The following GRID2 variants were observed in gnomAD, a reference collection of about 807,000 sequenced individuals.
The protein encoded by GRID2 is glutamate ionotropic receptor delta type subunit 2, also known as glutamate receptor ionotropic, delta-2.
A neutral mutation model predicts 114.8 loss-of-function variants in GRID2; 33 were observed. The observed-to-expected ratio is 0.29, with a 90% CI of 0.22 to 0.38. GRID2 has a LOEUF of 0.38. GRID2 is among the 10% of genes least tolerant of loss of function. GRID2 has a pLI of 1.00. For synonymous variants in GRID2, 505 were observed against 449.9 expected, an observed-to-expected ratio of 1.12 and a Z score of -1.55; for missense variants, 1,184 against 1,257.7, an observed-to-expected ratio of 0.94 and a Z score of 0.89.
At chr4:92,933,168 T>G (rs977274369) in intron 2 of GRID2, among the ~76,000 whole-genome samples, 2 of 150,608 alleles carry the variant, frequency 1.3e-5, no homozygotes, top group African/African-American at 4.9e-5. Flanking sequence ...TATACACATA[T>G]ATATATGTAA....
At chr4:92,346,096 G>T (rs1727749299) in intron 1 of GRID2, among the ~76,000 whole-genome samples, 1 of 152,112 alleles carries the variant, frequency 6.6e-6, no homozygotes, top group African/African-American at 2.4e-5. Flanking sequence ...TACCTTATCA[G>T]CTCTTACCTA....
intron 13 of GRID2, among the ~76,000 whole-genome samples, chr4:93,584,522 A>G (rs760408071): frequency 1.3e-5 from 2 of 152,006 alleles, no homozygotes; most frequent in African/African-American, 4.8e-5. Flanking sequence ...TCTCTTATTG[A>G]TTGAACTATT....
intron 2 of GRID2, among the ~76,000 whole-genome samples, chr4:92,944,673 G>C (rs891384637): frequency 3.3e-5 from 5 of 152,162 alleles, no homozygotes; most frequent in Non-Finnish European, 7.3e-5. Context: ...GTAGACTGGA[G>C]CTGTTCCTAT....
intron 8 of GRID2, among the ~76,000 whole-genome samples, chr4:93,251,255 G>T (rs1256275794): frequency 1.3e-5 from 2 of 152,148 alleles, no homozygotes; most frequent in African/African-American, 2.4e-5. Flanking sequence ...AGACCTTGAT[G>T]ATGAGTAATA....
chr4:93,323,551 A>G (rs1270289108), intron 8 of GRID2, among the ~76,000 whole-genome samples: 2 of 152,148 alleles, frequency 1.3e-5, no homozygotes, highest in Non-Finnish European at 2.9e-5. Flanking sequence ...ATTCCATATG[A>G]ACTTTAAAGT....
intron 8 of GRID2, among the ~76,000 whole-genome samples, chr4:93,367,654 T>C (rs1243720446): frequency 1.3e-5 from 2 of 152,144 alleles, no homozygotes; most frequent in East Asian, 3.9e-4. Context: ...GGAGTAGACA[T>C]AATGCATCTT....
In GRID2 at chr4:93,153,184, T is replaced by C. The variant is rs565621521; in HGVS notation, c.735+42231T>C. On this transcript the variant is annotated intron_variant, in intron 4 of 15. Coordinates refer to ENST00000282020, the MANE Select transcript of GRID2 (RefSeq NM_001510.4). ...TAAATACAAAATTCTGGCCTCCTAT[T>C]TCACATAAGATGATACACCAAGAAA... Among the ~76,000 whole-genome samples the C allele has an allele frequency of 5.9e-5, 9 of 152,172 alleles. No homozygotes were observed. The East Asian group carries it at 1.7e-3, about 30-fold the overall frequency.
At chr4:93,686,566 G>A (rs536191443) in intron 14 of GRID2, among the ~76,000 whole-genome samples, 3 of 152,078 alleles carry the variant, frequency 2.0e-5, no homozygotes, top group East Asian at 3.9e-4. Context: ...AAGTCAGCAA[G>A]TCCCATAAAA....
intron 1 of GRID2, among the ~76,000 whole-genome samples, chr4:92,378,567 G>A (rs1729464033): frequency 6.6e-6 from 1 of 151,902 alleles, no homozygotes. Context: ...AAATATACTA[G>A]TTGAAATTTG....
At chr4:92,701,743 A>G (rs185768644) in intron 2 of GRID2, among the ~76,000 whole-genome samples, 11 of 152,270 alleles carry the variant, frequency 7.2e-5, no homozygotes, top group Non-Finnish European at 1.6e-4. Flanking sequence ...TATCAAATCA[A>G]AAATTAGACT....
intron 2 of GRID2, among the ~76,000 whole-genome samples, chr4:92,785,408 T>C (rs1320718178): frequency 1.3e-5 from 2 of 151,374 alleles, no homozygotes; most frequent in African/African-American, 4.8e-5. Flanking sequence ...TAAATATTGT[T>C]TTCTTTCATT....
intron 13 of GRID2, among the ~76,000 whole-genome samples, chr4:93,535,067 CTATGAGTT>C (rs1731899991): frequency 6.6e-6 from 1 of 151,964 alleles, no homozygotes; most frequent in Admixed American, 6.6e-5. Context: ...CTCTCTGCTT[CTATGAGTT>C]TAATTTTTTT....
chr4:92,586,882 T>C (rs1231249276), intron 1 of GRID2, among the ~76,000 whole-genome samples: 2 of 152,056 alleles, frequency 1.3e-5, no homozygotes, highest in African/African-American at 2.4e-5. Context: ...ATATATATTT[T>C]GGCCACTTGC....
At chr4:92,743,142 T>C (rs116549971) in intron 2 of GRID2, among the ~76,000 whole-genome samples, 2 of 152,192 alleles carry the variant, frequency 1.3e-5, no homozygotes, top group African/African-American at 4.8e-5. Context: ...CCTGGTATGA[T>C]AGTGTTTTCA....
intron 8 of GRID2, among the ~76,000 whole-genome samples, chr4:93,374,519 C>T (rs1763203162): frequency 6.6e-6 from 1 of 152,062 alleles, no homozygotes; most frequent in Non-Finnish European, 1.5e-5. Context: ...TGTAACTAAT[C>T]ATTTGAGTTT....
chr4:93,576,702 T>G (rs17020797), intron 13 of GRID2, among the ~76,000 whole-genome samples: 2,648 of 152,290 alleles, frequency 0.017, 41 homozygotes, highest in East Asian at 0.082. Context: ...TTGCTGGTTC[T>G]TCGATACGTG....
At position 93,455,897 on chromosome 4, in the gene GRID2, G is replaced by A. The variant is rs1332581628; in HGVS notation, c.1781G>A (p.Arg594Gln). Reference protein sequence around the residue: ...VYLLNWLNPPRLQMGSMTSTT... With the variant: ...VYLLNWLNPPQLQMGSMTSTT... The stretch of plus-strand genomic sequence containing the variant: ...CTCTTGAACTGGCTTAATCCCCCAC[G>A]ATTACAAATGGGATCAATGACGTCT... The change falls in exon 11 of 16, where the codon CGA (arginine) becomes CAA (glutamine). Residue 594 changes from arginine to glutamine, a missense_variant. Arg to Gln is a conservative substitution (Grantham distance 43). Coordinates refer to ENST00000282020, the MANE Select transcript of GRID2 (RefSeq NM_001510.4). The A allele has an allele frequency of 9.9e-6, 16 of 1,610,892 alleles. No homozygotes were observed. In the East Asian group the frequency reaches 2.9e-4, roughly 29 times the overall value.
chr4:93,735,390 C>A (rs541700738), intron 14 of GRID2, among the ~76,000 whole-genome samples: 2 of 151,968 alleles, frequency 1.3e-5, no homozygotes, highest in Admixed American at 1.3e-4. Context: ...TGTATACAAC[C>A]AACAATTCAT....
chr4:93,065,555 A>G (rs982155350), intron 2 of GRID2, among the ~76,000 whole-genome samples: 5 of 151,880 alleles, frequency 3.3e-5, no homozygotes, highest in Non-Finnish European at 7.4e-5. Context: ...CTTTCTGAAA[A>G]TGCTACTAAA....
Sources: gnomAD v4.1 joint callset for allele counts (sites outside exome capture counted in the v4.1 genomes callset) on GRCh38, gnomAD v4.1.1 for gene constraint, MANE v1.5 for transcripts, NCBI Gene and HGNC (gene_info 2026-07-23, HGNC 2026-07-21) for gene names.